The following DPP10 variants were observed in gnomAD, a reference collection of about 807,000 sequenced individuals.
DPP10 encodes dipeptidyl peptidase like 10.
A neutral mutation model predicts 120.9 loss-of-function variants in DPP10; 33 were observed. The observed-to-expected ratio is 0.27, with a 90% CI of 0.21 to 0.37. The LOEUF (loss-of-function observed/expected upper bound fraction) is 0.37, where lower values mean the gene tolerates loss of function less well. DPP10 is among the 10% of genes least tolerant of loss of function. The pLI, the probability that DPP10 is intolerant of heterozygous loss-of-function variation, is 1.00. For missense variants in DPP10, 816 were observed against 942.8 expected (o/e 0.87, Z 1.76); for synonymous variants, 337 against 326.1 (o/e 1.03, Z -0.36).
rs541063014 is a variant in DPP10, at chr2:115,731,895, C to T, written c.697+3959C>T. Among the ~76,000 whole-genome samples, 135 of 152,280 alleles carry T rather than the reference C, an allele frequency of 8.9e-4. 1 individual carries two copies. Among genetic ancestry groups the T allele is most frequent in the Middle Eastern group, 3.4e-3 (1 of 294 alleles). On this transcript the variant is annotated intron_variant, in intron 8 of 25. Transcript: ENST00000410059. ...TATTCAGATGTTTTTGATTTTCCCTCACTATTTTGACTGCTACCCCCAACC... is the reference window on the plus strand; with the variant it reads ...TATTCAGATGTTTTTGATTTTCCCTTACTATTTTGACTGCTACCCCCAACC...
chr2:115,007,406 G>A (rs1374618942), intron 1 of DPP10, among the ~76,000 whole-genome samples: 1 of 151,944 alleles, frequency 6.6e-6, no homozygotes, highest in Non-Finnish European at 1.5e-5. Flanking sequence ...AATAAATTAA[G>A]TATTGATGGG....
intron 2 of DPP10, among the ~76,000 whole-genome samples, chr2:115,319,885 A>C (rs34911120): frequency 6.6e-6 from 1 of 152,120 alleles, no homozygotes; most frequent in East Asian, 1.9e-4. Context: ...AGGAAAAGAC[A>C]GCCTTCCCTT....
intron 3 of DPP10, among the ~76,000 whole-genome samples, chr2:115,413,548 A>C (rs2069125155): frequency 6.6e-6 from 1 of 152,194 alleles, no homozygotes; most frequent in African/African-American, 2.4e-5. Flanking sequence ...TTTTGTCATC[A>C]GGATAATATG....
intron 1 of DPP10, among the ~76,000 whole-genome samples, chr2:114,779,570 A>G (rs1682090102): frequency 6.6e-6 from 1 of 152,146 alleles, no homozygotes; most frequent in Non-Finnish European, 1.5e-5. Context: ...AGCTGATATC[A>G]GTTTACGCTG....
In DPP10 at chr2:115,815,655, G is replaced by A; in HGVS notation, c.1896-20G>A. The A allele has an allele frequency of 6.3e-7, 1 of 1,594,258 alleles. No homozygotes were observed. The highest frequency in any genetic ancestry group is 8.6e-7 in the Non-Finnish European group (1 of 1,168,770). On this transcript the variant is annotated intron_variant, in intron 20 of 25. Transcript: ENST00000410059. ...TTTAACTCACAAAGATATAACTATTGTTTTTCGTTTTCATTGCAGATTTTT... is the reference window on the plus strand; with the variant it reads ...TTTAACTCACAAAGATATAACTATTATTTTTCGTTTTCATTGCAGATTTTT...
intron 19 of DPP10, among the ~76,000 whole-genome samples, chr2:115,806,316 C>G (rs769978789): frequency 2.6e-5 from 4 of 152,086 alleles, no homozygotes; most frequent in Non-Finnish European, 5.9e-5. Flanking sequence ...TGTTATTTGT[C>G]TATCTATGGT....
intron 3 of DPP10, among the ~76,000 whole-genome samples, chr2:115,363,287 C>T (rs560534677): frequency 7.2e-5 from 11 of 152,282 alleles, no homozygotes; most frequent in African/African-American, 2.6e-4. Context: ...GCACATTGTA[C>T]TCCTTAGCTT....
intron 1 of DPP10, among the ~76,000 whole-genome samples, chr2:114,610,091 A>T (rs1693160026): frequency 6.6e-6 from 1 of 152,218 alleles, no homozygotes; most frequent in Admixed American, 6.5e-5. Context: ...CAACACTTCA[A>T]GGAAGTTAAT....
At chr2:115,832,989 C>T (rs1307281702) in intron 21 of DPP10, among the ~76,000 whole-genome samples, 1 of 152,130 alleles carries the variant, frequency 6.6e-6, no homozygotes, top group Non-Finnish European at 1.5e-5. Context: ...CCCAGGTCTA[C>T]TGAATTTGAA....
chr2:114,919,026 A>G lies in DPP10; in HGVS notation c.61-390213A>G, dbSNP rs1475415879. On this transcript the variant is annotated intron_variant, in intron 1 of 25. Coordinates refer to ENST00000410059, the MANE Select transcript of DPP10 (RefSeq NM_020868.6). Reference sequence around the variant, plus strand: ...GTTGAAAAAATTAAAATATATTTGTAAAGAGATTCCAAAAAAAAAAAAAAA... The same window carrying G: ...GTTGAAAAAATTAAAATATATTTGTGAAGAGATTCCAAAAAAAAAAAAAAA... 2.8e-5 allele frequency among the ~76,000 whole-genome samples: 3 copies of G among 106,808 alleles called. No homozygotes were observed. The East Asian group carries it at 8.2e-4, about 29-fold the overall frequency. 70.1% of individuals were successfully genotyped at this position (106,808 alleles called of 152,430 possible).
At chr2:114,705,774 A>G (rs1367186938) in intron 1 of DPP10, among the ~76,000 whole-genome samples, 1 of 152,210 alleles carries the variant, frequency 6.6e-6, no homozygotes, top group East Asian at 1.9e-4. Context: ...TAAAATATCC[A>G]GTATAAGCAG....
intron 1 of DPP10, among the ~76,000 whole-genome samples, chr2:115,255,811 T>C (rs547596911): frequency 6.6e-6 from 1 of 152,334 alleles, no homozygotes; most frequent in East Asian, 1.9e-4. Flanking sequence ...TATCAGATTT[T>C]GGTCAAAACC....
chr2:115,374,621 C>T (rs185665335), intron 3 of DPP10, among the ~76,000 whole-genome samples: 2 of 152,206 alleles, frequency 1.3e-5, no homozygotes, highest in East Asian at 1.9e-4. Flanking sequence ...CATGAGGGCT[C>T]CGCACATGCA....
chr2:115,324,556 T>G (rs1170076694), intron 2 of DPP10, among the ~76,000 whole-genome samples: 2 of 152,144 alleles, frequency 1.3e-5, no homozygotes, highest in African/African-American at 4.8e-5. Flanking sequence ...TTGAAGAGAG[T>G]TAGGACCTTA....
At chr2:115,533,569 A>G (rs888583597) in intron 5 of DPP10, among the ~76,000 whole-genome samples, 1 of 152,120 alleles carries the variant, frequency 6.6e-6, no homozygotes, top group African/African-American at 2.4e-5. Flanking sequence ...TTATCTAATT[A>G]AAGTCTGGAC....
chr2:114,578,096 G>A (rs1690204248), intron 1 of DPP10, among the ~76,000 whole-genome samples: 1 of 152,000 alleles, frequency 6.6e-6, no homozygotes, highest in Non-Finnish European at 1.5e-5. Flanking sequence ...AGATAAATTG[G>A]CAAAAAACAT....
At chr2:114,631,273 C>A (rs1694902295) in intron 1 of DPP10, among the ~76,000 whole-genome samples, 1 of 151,972 alleles carries the variant, frequency 6.6e-6, no homozygotes, top group Non-Finnish European at 1.5e-5. Context: ...GCTGGAGTTT[C>A]CGACAAACCC....
At chr2:115,744,455 G>T (rs1037989563) in intron 9 of DPP10, among the ~76,000 whole-genome samples, 2 of 150,402 alleles carry the variant, frequency 1.3e-5, no homozygotes, top group Non-Finnish European at 2.9e-5. Flanking sequence ...GCACTGTTGG[G>T]CTTGGGAGTA....
intron 1 of DPP10, among the ~76,000 whole-genome samples, chr2:115,141,287 C>T (rs2050913798): frequency 6.6e-6 from 1 of 152,170 alleles, no homozygotes; most frequent in African/African-American, 2.4e-5. Context: ...AACTAACACT[C>T]ATAAATCGGC....
Sources: allele counts gnomAD v4.1 joint callset (sites outside exome capture counted in the v4.1 genomes callset), GRCh38; gene constraint gnomAD v4.1.1; transcripts MANE v1.5; gene names NCBI Gene and HGNC (gene_info 2026-07-23, HGNC 2026-07-21).